EYS: variants seen among roughly 807,000 people sequenced by gnomAD.
EYS encodes the protein EGF-like photoreceptor maintenance factor.
Under a neutral mutation model 282.1 loss-of-function variants are expected in EYS, and 250 were observed. The observed-to-expected ratio is 0.89, with a 90% confidence interval of 0.80 to 0.98. The LOEUF (loss-of-function observed/expected upper bound fraction) is 0.98, where lower values mean the gene tolerates loss of function less well. Among genes scored for constraint, EYS ranks in the 50% least tolerant of loss-of-function variants. The pLI, the probability that EYS is intolerant of heterozygous loss-of-function variation, is 0.00. For missense variants in EYS, 4,016 were observed against 3,709.0 expected, an observed-to-expected ratio of 1.08 and a Z score of -2.15; for synonymous variants, 1,355 against 1,282.9, an observed-to-expected ratio of 1.06 and a Z score of -1.20.
chr6:64,591,882 C>A lies in EYS; in HGVS notation c.3985G>T (p.Val1329Phe). 1.3e-6 allele frequency: 2 copies of A among 1,550,962 alleles called. No homozygotes were observed. The highest frequency in any genetic ancestry group is 2.4e-5 in the East Asian group (1 of 40,902). ...LESYLLQELI[V>F]TRELSAKHSL... ...TGTTTTGCTGAAAGCTCTCTAGTGA[C>A]AATCAGTTCTTGGAGTAAGTAGCTT... The change falls in exon 26 of 43, where the codon GTC (valine) becomes TTC (phenylalanine). Residue 1329 changes from valine to phenylalanine, a missense_variant. Physicochemically the swap from Val to Phe is conservative, Grantham distance 50 (BLOSUM62 -1). Coordinates refer to ENST00000503581, the MANE Select transcript of EYS (RefSeq NM_001142800.2).
At chr6:64,357,253 A>G (rs1771852942) in intron 29 of EYS, among the ~76,000 whole-genome samples, 4 of 151,654 alleles carry the variant, frequency 2.6e-5, no homozygotes, top group African/African-American at 9.7e-5. Context: ...ATTGTCAATG[A>G]CCTTTTTTAG....
At chr6:64,798,788 G>T (rs537354849) in intron 22 of EYS, among the ~76,000 whole-genome samples, 167 of 151,658 alleles carry the variant, frequency 1.1e-3, no homozygotes, top group Non-Finnish European at 1.8e-3. Context: ...GGATATTTTT[G>T]CATTTGAACC....
chr6:63,871,710 C>T (rs867625119), intron 35 of EYS, among the ~76,000 whole-genome samples: 18 of 152,166 alleles, frequency 1.2e-4, no homozygotes, highest in African/African-American at 4.3e-4. Context: ...TCCAAATCTA[C>T]CCTTTATAAT....
intron 28 of EYS, among the ~76,000 whole-genome samples, chr6:64,392,193 C>T (rs1411332686): frequency 2.0e-5 from 3 of 150,416 alleles, no homozygotes; most frequent in Non-Finnish European, 4.4e-5. Flanking sequence ...TTTAACACCC[C>T]ACTGTCAACA....
intron 31 of EYS, among the ~76,000 whole-genome samples, chr6:64,223,669 A>T (rs989980013): frequency 6.6e-6 from 1 of 152,044 alleles, no homozygotes; most frequent in Non-Finnish European, 1.5e-5. Context: ...GAATGATTTT[A>T]ATAATTCTAC....
intron 11 of EYS, among the ~76,000 whole-genome samples, chr6:65,314,559 A>AGGG (rs1769247286): frequency 5.8e-5 from 5 of 85,564 alleles, no homozygotes; most frequent in African/African-American, 1.5e-4. Flanking sequence ...ACTTCCCCTT[A>AGGG]TGGTGTGTGT....
intron 40 of EYS, among the ~76,000 whole-genome samples, chr6:63,766,660 C>T (rs1329928262): frequency 6.6e-6 from 1 of 152,012 alleles, no homozygotes; most frequent in African/African-American, 2.4e-5. Flanking sequence ...TTTCTAGTTT[C>T]TCTATTATGT....
intron 30 of EYS, among the ~76,000 whole-genome samples, chr6:64,261,787 GTT>G (rs55966462): frequency 2.3e-4 from 33 of 144,788 alleles, no homozygotes; most frequent in South Asian, 4.3e-4. Flanking sequence ...AGGTTATTTT[GTT>G]TTTTTTTTTT....
At chr6:64,713,660 C>A (rs1771283800) in intron 22 of EYS, among the ~76,000 whole-genome samples, 1 of 151,974 alleles carries the variant, frequency 6.6e-6, no homozygotes, top group Non-Finnish European at 1.5e-5. Context: ...TTCAGAAGGG[C>A]AAGACTTGTT....
At chr6:63,735,337 G>A (rs993795483) in intron 41 of EYS, among the ~76,000 whole-genome samples, 3 of 152,000 alleles carry the variant, frequency 2.0e-5, no homozygotes, top group African/African-American at 7.2e-5. Context: ...AACTCACTTT[G>A]AAACAATTTT....
At chr6:65,294,177 AG>A (rs2150285095) in intron 12 of EYS, among the ~76,000 whole-genome samples, 1 of 151,966 alleles carries the variant, frequency 6.6e-6, no homozygotes, top group South Asian at 2.1e-4. Context: ...CTGGAGAGAA[AG>A]AGGGGCATCT....
chr6:63,992,824 T>C (rs1173135877), intron 34 of EYS, among the ~76,000 whole-genome samples: 5 of 151,674 alleles, frequency 3.3e-5, no homozygotes, highest in Admixed American at 2.6e-4. Flanking sequence ...TTGTTGGGCT[T>C]TGTGTCCCCA....
At chr6:64,380,101 T>C (rs1189988351) in intron 29 of EYS, among the ~76,000 whole-genome samples, 1 of 115,088 alleles carries the variant, frequency 8.7e-6, no homozygotes, top group Non-Finnish European at 1.9e-5. Flanking sequence ...TATTTGCTGA[T>C]TTGCAACTTC....
intron 19 of EYS, among the ~76,000 whole-genome samples, chr6:64,863,311 C>T (rs1766308924): frequency 6.6e-6 from 1 of 151,986 alleles, no homozygotes; most frequent in East Asian, 1.9e-4. Context: ...AGACTTTTAC[C>T]TATTTATTCA....
intron 21 of EYS, among the ~76,000 whole-genome samples, chr6:64,817,973 T>A (rs1764789715): frequency 6.6e-6 from 1 of 152,216 alleles, no homozygotes; most frequent in Non-Finnish European, 1.5e-5. Context: ...AGCAATATAT[T>A]CACTACGAGT....
chr6:64,887,711 C>T (rs868663909), intron 18 of EYS, among the ~76,000 whole-genome samples: 18 of 152,092 alleles, frequency 1.2e-4, no homozygotes, highest in African/African-American at 2.9e-4. Flanking sequence ...ATTAATTGAG[C>T]GCCAGACATT....
chr6:64,205,328 C>A, intron 31 of EYS, among the ~76,000 whole-genome samples: 1 of 152,084 alleles, frequency 6.6e-6, no homozygotes, highest in East Asian at 1.9e-4. Context: ...TTGGGTGATG[C>A]ACTTTGATCT....
chr6:64,813,128 A>C (rs1318105845), intron 22 of EYS, among the ~76,000 whole-genome samples: 1 of 151,954 alleles, frequency 6.6e-6, no homozygotes, highest in Non-Finnish European at 1.5e-5. Context: ...AAGAGATAAA[A>C]AAACAATGAT....
intron 12 of EYS, among the ~76,000 whole-genome samples, chr6:65,204,211 T>C (rs1001646939): frequency 4.6e-5 from 7 of 152,050 alleles, no homozygotes; most frequent in African/African-American, 1.7e-4. Context: ...ATTTAGAGAA[T>C]ACCTGGAATA....
Sources: gnomAD v4.1 joint callset for allele counts (sites outside exome capture counted in the v4.1 genomes callset) on GRCh38, gnomAD v4.1.1 for gene constraint, MANE v1.5 for transcripts, NCBI Gene and HGNC (gene_info 2026-07-23, HGNC 2026-07-21) for gene names.